Variants in CATSPERT observed in about 807,000 individuals in gnomAD.
CATSPERT encodes the protein catsper channel auxiliary subunit tau.
chr2:201,523,432 C>T, the CATSPERT span, among the ~76,000 whole-genome samples: 1 of 152,146 alleles, frequency 6.6e-6, no homozygotes, highest in South Asian at 2.1e-4. Context: ...TCGACTAAAC[C>T]CAACTTATAC....
the CATSPERT span, among the ~76,000 whole-genome samples, chr2:201,572,877 A>T: frequency 5.3e-5 from 8 of 152,234 alleles, no homozygotes; most frequent in Non-Finnish European, 1.0e-4. Context: ...AACATATTAC[A>T]GAGATTTCTC....
chr2:201,582,314 A>G, the CATSPERT span: 1 of 1,172,710 alleles, frequency 8.5e-7, no homozygotes, highest in Non-Finnish European at 1.2e-6. Flanking sequence ...TTATGCAAAT[A>G]TTATTATGCA....
the CATSPERT span, chr2:201,494,441 C>T: frequency 1.3e-6 from 2 of 1,537,412 alleles, no homozygotes; most frequent in African/African-American, 2.7e-5. Flanking sequence ...GGTAAAGATA[C>T]ATTTGGTAGA....
chr2:201,556,458 G>A, the CATSPERT span, among the ~76,000 whole-genome samples: 2 of 150,272 alleles, frequency 1.3e-5, no homozygotes, highest in East Asian at 2.0e-4. Flanking sequence ...GCAGTGAGCC[G>A]AGATCACGCC....
At chr2:201,584,500 G>T in the CATSPERT span, among the ~76,000 whole-genome samples, 1 of 151,670 alleles carries the variant, frequency 6.6e-6, no homozygotes, top group Non-Finnish European at 1.5e-5. Flanking sequence ...AGAAATAATA[G>T]CTAGCCAGGC....
At chr2:201,592,802 G>A in the CATSPERT span, among the ~76,000 whole-genome samples, 4 of 152,130 alleles carry the variant, frequency 2.6e-5, no homozygotes, top group Non-Finnish European at 4.4e-5. Context: ...ATGGTAGTGT[G>A]TATTTCTGTG....
At chr2:201,516,848 C>T in the CATSPERT span, among the ~76,000 whole-genome samples, 1 of 151,656 alleles carries the variant, frequency 6.6e-6, no homozygotes, top group South Asian at 2.1e-4. Context: ...GGAGTTTAAC[C>T]TTATTTTCAG....
the CATSPERT span, among the ~76,000 whole-genome samples, chr2:201,577,971 C>G: frequency 2.1e-3 from 317 of 151,962 alleles, no homozygotes; most frequent in African/African-American, 7.2e-3. Context: ...CACATTGTAC[C>G]CCATAAATAT....
At chr2:201,566,206 CTTTT>C in the CATSPERT span, among the ~76,000 whole-genome samples, 1 of 146,144 alleles carries the variant, frequency 6.8e-6, no homozygotes, top group African/African-American at 2.5e-5. Flanking sequence ...TTTTAAATTT[CTTTT>C]TTTTTTTATT....
the CATSPERT span, among the ~76,000 whole-genome samples, chr2:201,617,993 T>C: frequency 6.6e-6 from 1 of 151,976 alleles, no homozygotes; most frequent in Non-Finnish European, 1.5e-5. Context: ...GAAATGCAAA[T>C]CAAAACCACA....
At chr2:201,491,283 C>CT in the CATSPERT span, 4 of 1,537,832 alleles carry the variant, frequency 2.6e-6, no homozygotes, top group Non-Finnish European at 3.5e-6. Flanking sequence ...TGTTAAATGA[C>CT]TTTTTTGGTT....
the CATSPERT span, among the ~76,000 whole-genome samples, chr2:201,569,979 C>T: frequency 2.6e-5 from 4 of 152,012 alleles, no homozygotes; most frequent in East Asian, 1.9e-4. Context: ...CGCAGGAGTT[C>T]GAGACCAGCC....
the CATSPERT span, among the ~76,000 whole-genome samples, chr2:201,488,758 A>G: frequency 6.6e-6 from 1 of 152,222 alleles, no homozygotes; most frequent in Non-Finnish European, 1.5e-5. Context: ...GGCAGGACTA[A>G]TAAGAATTAG....
At chr2:201,562,948 T>C in the CATSPERT span, among the ~76,000 whole-genome samples, 5 of 150,546 alleles carry the variant, frequency 3.3e-5, no homozygotes, top group Non-Finnish European at 5.9e-5. Context: ...ATCCGATTTC[T>C]CAATCTTTTC....
At chr2:201,582,541 C>T in the CATSPERT span, among the ~76,000 whole-genome samples, 1 of 152,128 alleles carries the variant, frequency 6.6e-6, no homozygotes, top group Non-Finnish European at 1.5e-5. Context: ...AGTTCACCCT[C>T]AATACTCTAT....
At chr2:201,498,042 A>G in the CATSPERT span, among the ~76,000 whole-genome samples, 1 of 152,180 alleles carries the variant, frequency 6.6e-6, no homozygotes, top group African/African-American at 2.4e-5. Flanking sequence ...ATGTAAAATC[A>G]GGGGGGTCTG....
chr2:201,552,095 A>C, the CATSPERT span, among the ~76,000 whole-genome samples: 1 of 151,510 alleles, frequency 6.6e-6, no homozygotes, highest in Non-Finnish European at 1.5e-5. Flanking sequence ...CCCCAGGCCC[A>C]AGTACTTCTC....
chr2:201,605,318 T>C, the CATSPERT span, among the ~76,000 whole-genome samples: 1 of 152,040 alleles, frequency 6.6e-6, no homozygotes, highest in Non-Finnish European at 1.5e-5. Flanking sequence ...TTCACAGCAA[T>C]GGCCATAGAG....
At chr2:201,591,985 CCTGA>C in the CATSPERT span, among the ~76,000 whole-genome samples, 2 of 152,240 alleles carry the variant, frequency 1.3e-5, no homozygotes, top group African/African-American at 4.8e-5. Context: ...ATTTCCTTCT[CCTGA>C]CTAATTGCCC....
Sources: gnomAD v4.1 joint callset for allele counts (sites outside exome capture counted in the v4.1 genomes callset) on GRCh38, gnomAD v4.1.1 for gene constraint, MANE v1.5 for transcripts, NCBI Gene and HGNC (gene_info 2026-07-23, HGNC 2026-07-21) for gene names.